TRIM33: variants seen among roughly 807,000 people sequenced by gnomAD.
TRIM33 encodes the protein E3 ubiquitin-protein ligase TRIM33.
Under a neutral mutation model 125.4 loss-of-function variants are expected in TRIM33, and 20 were observed. The observed-to-expected ratio is 0.16, with a 90% CI of 0.11 to 0.23. TRIM33 has a LOEUF of 0.23. Ranked by LOEUF, TRIM33 falls within the 10% of genes least tolerant of loss-of-function variation. The probability of loss-of-function intolerance (pLI) is 1.00; values close to 1 mark genes in which losing one functional copy is unlikely to be tolerated. For synonymous variants in TRIM33, 564 were observed against 513.9 expected (o/e 1.10, Z -1.32); for missense variants, 920 against 1,411.4 (o/e 0.65, Z 5.58).
intron 1 of TRIM33, among the ~76,000 whole-genome samples, chr1:114,488,954 G>A (rs1438216765): frequency 1.3e-5 from 2 of 152,202 alleles, no homozygotes; most frequent in East Asian, 1.9e-4. Context: ...GGAAGGTGAG[G>A]TGGGAGGATC....
At chr1:114,474,865 C>A (rs1197700672) in intron 1 of TRIM33, among the ~76,000 whole-genome samples, 3 of 150,726 alleles carry the variant, frequency 2.0e-5, no homozygotes, top group African/African-American at 7.3e-5. Flanking sequence ...GTACTCCAGC[C>A]TGGGCAACAG....
At chr1:114,481,160 A>T (rs1370139229) in intron 1 of TRIM33, among the ~76,000 whole-genome samples, 1 of 150,672 alleles carries the variant, frequency 6.6e-6, no homozygotes. Context: ...GCAACAGAGT[A>T]AGACTCTGTC....
At chr1:114,431,221 G>C (rs1006412109) in intron 5 of TRIM33, among the ~76,000 whole-genome samples, 1 of 152,186 alleles carries the variant, frequency 6.6e-6, no homozygotes, top group African/African-American at 2.4e-5. Context: ...GTGACTTCTG[G>C]ATAGTGTCAA....
intron 1 of TRIM33, among the ~76,000 whole-genome samples, chr1:114,478,597 A>G (rs531680413): frequency 2.3e-4 from 35 of 152,226 alleles, no homozygotes; most frequent in Non-Finnish European, 4.4e-4. Context: ...ACTATTATAA[A>G]TATTTTAAAA....
intron 1 of TRIM33, among the ~76,000 whole-genome samples, chr1:114,496,645 A>AT (rs879720486): frequency 3.9e-5 from 6 of 152,210 alleles, no homozygotes; most frequent in South Asian, 2.1e-4. Flanking sequence ...ATAATTGAGT[A>AT]ATTTTTTTTG....
intron 11 of TRIM33, among the ~76,000 whole-genome samples, chr1:114,415,812 C>T (rs945893114): frequency 2.0e-4 from 30 of 151,750 alleles, no homozygotes; most frequent in African/African-American, 7.3e-4. Context: ...ATTAGCCGGG[C>T]GGGGTGGTGC....
Position 114,511,169 on chromosome 1 carries a change from A to C in TRIM33, c.-93T>G. On this transcript the variant is annotated 5_prime_UTR_variant, in exon 1 of 20. Coordinates refer to ENST00000358465, the MANE Select transcript of TRIM33 (RefSeq NM_015906.4). Reference sequence around the variant, plus strand: ...CCCAGCCCCAGCCGCAGCCGCAGCAAGAGCGGCAGCCGAGAGCTAGCGAGA... The same window carrying C: ...CCCAGCCCCAGCCGCAGCCGCAGCACGAGCGGCAGCCGAGAGCTAGCGAGA... The C allele has an allele frequency of 9.7e-7, 1 of 1,034,668 alleles. No individual in the cohort carries two copies. The highest frequency in any genetic ancestry group is 1.7e-5 in the African/African-American group (1 of 58,352). The allele number at this position is 1,034,668 out of a possible 1,614,324, so 64.1% of individuals were successfully genotyped here.
At position 114,503,911 on chromosome 1, in the gene TRIM33, G is replaced by A. The variant is rs139075407; in HGVS notation, c.526+6640C>T. Among the ~76,000 whole-genome samples the A allele has an allele frequency of 4.5e-3, 679 of 152,244 alleles. 2 individuals are homozygous for A. Among genetic ancestry groups the A allele is most frequent in the Non-Finnish European group, 7.4e-3 (502 of 68,020 alleles). On this transcript the variant is annotated intron_variant, in intron 1 of 19. Coordinates refer to ENST00000358465, the MANE Select transcript of TRIM33 (RefSeq NM_015906.4). ...CTATGAAAAAAAGCAAATTCAGCTT[G>A]GAACTCAAAAAACTGCACAAGTACT... is the stretch of plus-strand genomic sequence containing the variant.
At chr1:114,473,969 G>A (rs1004513911) in intron 1 of TRIM33, among the ~76,000 whole-genome samples, 10 of 152,026 alleles carry the variant, frequency 6.6e-5, no homozygotes, top group African/African-American at 1.9e-4. Context: ...GTGCAGTGGC[G>A]CTCACTGCAG....
intron 1 of TRIM33, among the ~76,000 whole-genome samples, chr1:114,464,615 T>A (rs140373190): frequency 7.1e-4 from 108 of 152,280 alleles, no homozygotes; most frequent in Non-Finnish European, 1.1e-3. Context: ...TTCCTCATTA[T>A]AATATGTGGT....
At chr1:114,485,528 G>A (rs1651628836) in intron 1 of TRIM33, among the ~76,000 whole-genome samples, 1 of 152,088 alleles carries the variant, frequency 6.6e-6, no homozygotes, top group Non-Finnish European at 1.5e-5. Flanking sequence ...CTCCCTCCCT[G>A]GTATCACAAG....
At chr1:114,446,217 A>G (rs1335968032) in intron 4 of TRIM33, among the ~76,000 whole-genome samples, 1 of 152,214 alleles carries the variant, frequency 6.6e-6, no homozygotes, top group East Asian at 1.9e-4. Flanking sequence ...AACCTGCAAA[A>G]CAAGAAATGC....
intron 1 of TRIM33, among the ~76,000 whole-genome samples, chr1:114,492,318 T>G (rs1652118917): frequency 1.3e-5 from 2 of 152,206 alleles, no homozygotes; most frequent in African/African-American, 4.8e-5. Context: ...AAAACATTTT[T>G]AACATATTTT....
intron 1 of TRIM33, among the ~76,000 whole-genome samples, chr1:114,507,157 T>C (rs1653051320): frequency 6.6e-6 from 1 of 152,332 alleles, no homozygotes; most frequent in South Asian, 2.1e-4. Context: ...AAATGAGAAG[T>C]CAAAGTCTGA....
chr1:114,412,046 TAAG>T (rs996875349), intron 11 of TRIM33, among the ~76,000 whole-genome samples: 1 of 150,862 alleles, frequency 6.6e-6, no homozygotes, highest in Non-Finnish European at 1.5e-5. Context: ...TCAACGAACA[TAAG>T]AAAACCAATT....
chr1:114,492,339 T>C (rs1652120574), intron 1 of TRIM33, among the ~76,000 whole-genome samples: 1 of 152,218 alleles, frequency 6.6e-6, no homozygotes, highest in African/African-American at 2.4e-5. Context: ...AACATTTTTA[T>C]TGTGGTATAT....
At chr1:114,404,642 A>G (rs901769548) in intron 15 of TRIM33, 1 of 152,152 alleles carries the variant, frequency 6.6e-6, no homozygotes, top group African/African-American at 2.4e-5. Context: ...TCTCTAGCAA[A>G]TAACTCTATC....
rs114047836 is a variant in TRIM33, at chr1:114,485,496, G to C, written c.527-21108C>G. 3.7e-3 allele frequency among the ~76,000 whole-genome samples: 558 copies of C among 152,254 alleles called. 1 individual carries two copies. Among genetic ancestry groups the C allele is most frequent in the Non-Finnish European group, 6.4e-3 (432 of 68,020 alleles). On this transcript the variant is annotated intron_variant, in intron 1 of 19. Transcript: ENST00000358465. The stretch of plus-strand genomic sequence containing the variant: ...ACCCCTATTATGTAGCAATCCAGTG[G>C]AATGAGTTAGCCCTACATTTCCTCC...
intron 11 of TRIM33, among the ~76,000 whole-genome samples, chr1:114,418,764 A>C (rs1653090644): frequency 6.6e-6 from 1 of 151,952 alleles, no homozygotes; most frequent in Non-Finnish European, 1.5e-5. Flanking sequence ...CTCCACCTGG[A>C]CCCAACAAGC....
Sources: gnomAD v4.1 joint callset for allele counts (sites outside exome capture counted in the v4.1 genomes callset) on GRCh38, gnomAD v4.1.1 for gene constraint, MANE v1.5 for transcripts, NCBI Gene and HGNC (gene_info 2026-07-23, HGNC 2026-07-21) for gene names.